Variants in GPR26 observed in about 807,000 individuals in gnomAD.
GPR26 encodes G protein-coupled receptor 26.
Under a neutral mutation model 23.1 loss-of-function variants are expected in GPR26, and 15 were observed. That is an observed-to-expected ratio of 0.65 (90% confidence interval 0.43 to 1.00). The LOEUF is 1.00. Among genes scored for constraint, GPR26 ranks in the 50% least tolerant of loss-of-function variants. The pLI is 0.00. For missense variants in GPR26, 359 were observed against 470.5 expected, an observed-to-expected ratio of 0.76 and a Z score of 2.19; for synonymous variants, 228 against 222.1, an observed-to-expected ratio of 1.03 and a Z score of -0.24.
At chr10:123,670,656 C>A (rs573544441) in intron 1 of GPR26, among the ~76,000 whole-genome samples, 1 of 152,184 alleles carries the variant, frequency 6.6e-6, no homozygotes, top group Non-Finnish European at 1.5e-5. Context: ...TAACCAGCAC[C>A]ACGAGGGGCC....
rs139000334 is a variant in GPR26 at position 123,694,163 on chromosome 10, C to G, written c.*6003C>G. ...GTGTGTACTCAGTGCTGTGGGGGTA[C>G]AGAGGGAGGGCTGGAGAACTTAGCT... On this transcript the variant is annotated 3_prime_UTR_variant, in exon 3 of 3. Transcript: ENST00000284674. 2.6e-3 allele frequency: 402 copies of G among 153,030 alleles called. 4 individuals carry two copies. The Middle Eastern group carries it at 0.043, about 16-fold the overall frequency. The allele number at this position is 153,030 out of a possible 1,614,324, so 9.5% of individuals were successfully genotyped here. A position where few individuals can be genotyped will look rare whatever the true frequency, so the allele number is the denominator to read the frequency against.
Position 123,687,950 on chromosome 10 carries a change from G to T in GPR26, c.804G>T (p.Thr268=), listed in dbSNP as rs765386429. 6.2e-7 allele frequency: 1 copy of T among 1,612,342 alleles called. No individual in the cohort carries two copies. Residue 268 remains threonine (T), a synonymous_variant, in exon 3 of 3, where the codon ACG becomes ACT. Transcript: ENST00000284674. ...VITRLVELFS[T]VPIGSHWGVL... ...ACAGGCTAGTGGAGCTCTTCTCCAC[G>T]GTGCCCATCGGCTCCCACTGGGGGG...
In GPR26 at chr10:123,688,134, C is replaced by T; in HGVS notation, c.988C>T (p.Gln330Ter). ...SSGLTGDSHSQNILPVSE is the reference protein window; with the variant it reads ...SSGLTGDSHS ...TGGCCTCACAGGCGACTCTCACAGC[C>T]AGAACATTCTGCCGGTGTCTGAGTG... The change falls in exon 3 of 3, where the codon CAG becomes TAG. Residue 330 changes from glutamine to a stop codon, truncating the protein, a stop_gained. Coordinates refer to ENST00000284674, the MANE Select transcript of GPR26 (RefSeq NM_153442.4). LOFTEE classifies it high-confidence loss of function. The T allele has an allele frequency of 6.3e-7, 1 of 1,596,122 alleles. No homozygotes were observed. Among genetic ancestry groups the T allele is most frequent in the South Asian group, 1.1e-5 (1 of 90,898 alleles).
chr10:123,679,132 G>A (rs1332220586), intron 2 of GPR26, among the ~76,000 whole-genome samples: 1 of 152,210 alleles, frequency 6.6e-6, no homozygotes, highest in African/African-American at 2.4e-5. Context: ...GCAGACCTCT[G>A]AAATGTAGTT....
rs1172503439 is a variant in GPR26, at chr10:123,695,848, G to A, written c.*7688G>A. 1.3e-5 allele frequency among the ~76,000 whole-genome samples: 2 copies of A among 152,180 alleles called. No individual in the cohort carries two copies. The highest frequency in any genetic ancestry group is 2.9e-5 in the Non-Finnish European group (2 of 68,040). ...AACACTCCTGTTTTACAACAAACAT[G>A]TAAATACAACCTCTTTTGGAGTGCA... On this transcript the variant is annotated 3_prime_UTR_variant, in exon 3 of 3. Coordinates refer to ENST00000284674, the MANE Select transcript of GPR26 (RefSeq NM_153442.4).
rs192488502 is a variant in GPR26, at chr10:123,669,050, A to C, written c.668+1975A>C. Among the ~76,000 whole-genome samples the C allele has an allele frequency of 3.3e-5, 5 of 152,112 alleles. No homozygotes were observed. The East Asian group carries it at 7.7e-4, about 23-fold the overall frequency. On this transcript the variant is annotated intron_variant, in intron 1 of 2. Transcript: ENST00000284674. ...TCTGCTTGCCTTCGATTTCCCCTCC[A>C]TTCCTCTGGGAGGACCTTGATCTCT...
Position 123,696,628 on chromosome 10 carries a change from A to G in GPR26, c.*8468A>G, listed in dbSNP as rs1319761878. 6.6e-6 allele frequency among the ~76,000 whole-genome samples: 1 copy of G among 152,220 alleles called. No homozygotes were observed. The highest frequency in any genetic ancestry group is 1.9e-4 in the East Asian group (1 of 5,190). ...AAAAGATATTTCTTTCCTGGGGACAAAGTGACCTGCAAATGATTGGCTTCT... is the reference window on the plus strand; with the variant it reads ...AAAAGATATTTCTTTCCTGGGGACAGAGTGACCTGCAAATGATTGGCTTCT... On this transcript the variant is annotated 3_prime_UTR_variant, in exon 3 of 3. Coordinates refer to ENST00000284674, the MANE Select transcript of GPR26 (RefSeq NM_153442.4).
chr10:123,686,767 A>AC (rs992483699), intron 2 of GPR26, among the ~76,000 whole-genome samples: 9 of 152,062 alleles, frequency 5.9e-5, no homozygotes, highest in Non-Finnish European at 1.2e-4. Context: ...CAGGTACTAG[A>AC]CCCCCAGTCA....
intron 2 of GPR26, among the ~76,000 whole-genome samples, chr10:123,676,874 G>A (rs984291579): frequency 6.6e-6 from 1 of 152,202 alleles, no homozygotes; most frequent in Non-Finnish European, 1.5e-5. Flanking sequence ...AGGGAACATG[G>A]AGACAGGCAG....
At position 123,690,545 on chromosome 10, in the gene GPR26, C is replaced by T. The variant is rs1365814096; in HGVS notation, c.*2385C>T. The T allele has an allele frequency of 6.6e-6, 1 of 152,144 alleles. No individual in the cohort carries two copies. Among genetic ancestry groups the T allele is most frequent in the Non-Finnish European group, 1.5e-5 (1 of 68,022 alleles). 9.4% of individuals were successfully genotyped at this position (152,144 alleles called of 1,614,324 possible). A position where few individuals can be genotyped will look rare whatever the true frequency, so the allele number is the denominator to read the frequency against. ...CAACACCACATATCTTGAAAAGATG[C>T]TTTTCATAATTTTCACTATACCTCT... On this transcript the variant is annotated 3_prime_UTR_variant, in exon 3 of 3. Coordinates refer to ENST00000284674, the MANE Select transcript of GPR26 (RefSeq NM_153442.4).
At chr10:123,684,085 G>C (rs1392079929) in intron 2 of GPR26, among the ~76,000 whole-genome samples, 1 of 151,996 alleles carries the variant, frequency 6.6e-6, no homozygotes, top group African/African-American at 2.4e-5. Flanking sequence ...GATTTTCCGG[G>C]GGGAGCTGTG....
intron 2 of GPR26, among the ~76,000 whole-genome samples, chr10:123,684,269 G>T (rs1031620213): frequency 4.6e-5 from 7 of 152,146 alleles, no homozygotes; most frequent in Non-Finnish European, 8.8e-5. Context: ...GGTGGCAAGG[G>T]GCGGCACCCT....
At chr10:123,686,246 G>A (rs1231822809) in intron 2 of GPR26, among the ~76,000 whole-genome samples, 4 of 152,200 alleles carry the variant, frequency 2.6e-5, no homozygotes, top group African/African-American at 9.6e-5. Context: ...ATTTGGCATC[G>A]CATAGCAACA....
chr10:123,669,537 G>T (rs1255778300), intron 1 of GPR26, among the ~76,000 whole-genome samples: 1 of 152,234 alleles, frequency 6.6e-6, no homozygotes, highest in African/African-American at 2.4e-5. Context: ...TGGGCAGCAG[G>T]AGCTGGCTTC....
chr10:123,675,018 A>G, intron 2 of GPR26, 87 bp downstream of exon 2: 1 of 789,148 alleles, frequency 1.3e-6, no homozygotes, highest in Non-Finnish European at 2.2e-6. Flanking sequence ...TCTCTTGGCC[A>G]CACGTTCTTC....
At position 123,696,014 on chromosome 10, in the gene GPR26, A is replaced by G. The variant is rs1265530585; in HGVS notation, c.*7854A>G. 6.6e-6 allele frequency among the ~76,000 whole-genome samples: 1 copy of G among 152,170 alleles called. No individual in the cohort carries two copies. Among genetic ancestry groups the G allele is most frequent in the Non-Finnish European group, 1.5e-5 (1 of 68,040 alleles). ...TTACCACCTGGGGTGGTTTTTCTAGACACCAGAATAGGCCAGATTTAATTT... is the reference window on the plus strand; with the variant it reads ...TTACCACCTGGGGTGGTTTTTCTAGGCACCAGAATAGGCCAGATTTAATTT... On this transcript the variant is annotated 3_prime_UTR_variant, in exon 3 of 3. Transcript: ENST00000284674.
At chr10:123,678,176 T>A (rs745373204) in intron 2 of GPR26, among the ~76,000 whole-genome samples, 1 of 152,244 alleles carries the variant, frequency 6.6e-6, no homozygotes, top group Non-Finnish European at 1.5e-5. Flanking sequence ...TAATTGCACC[T>A]GTTTCTATTC....
chr10:123,678,269 G>GTGTGAGGCACACCT (rs1447981493), intron 2 of GPR26, among the ~76,000 whole-genome samples: 1 of 152,140 alleles, frequency 6.6e-6, no homozygotes, highest in African/African-American at 2.4e-5. Flanking sequence ...GGAAGTCAGG[G>GTGTGAGGCACACCT]GTGTGAGGTG....
At chr10:123,673,683 C>T (rs1432802584) in intron 1 of GPR26, among the ~76,000 whole-genome samples, 1 of 152,102 alleles carries the variant, frequency 6.6e-6, no homozygotes, top group Non-Finnish European at 1.5e-5. Context: ...ATGACCCCAT[C>T]ATGTGGTGTC....
Sources: gnomAD v4.1 joint callset for allele counts (sites outside exome capture counted in the v4.1 genomes callset) on GRCh38, gnomAD v4.1.1 for gene constraint, MANE v1.5 for transcripts, NCBI Gene and HGNC (gene_info 2026-07-23, HGNC 2026-07-21) for gene names.